Variants in SNX29 observed in about 807,000 individuals in gnomAD.
The protein encoded by SNX29 is sorting nexin 29, also known as sorting nexin-29.
In SNX29, 78 loss-of-function variants were observed where a neutral mutation model predicts 102.1. The observed-to-expected ratio is 0.76, with a 90% confidence interval of 0.64 to 0.92. SNX29 has a LOEUF of 0.92. Ranked by LOEUF, SNX29 falls within the 40% of genes least tolerant of loss-of-function variation. The probability of loss-of-function intolerance (pLI) is 0.00; values close to 1 mark genes in which losing one functional copy is unlikely to be tolerated. For missense variants in SNX29, 1,280 were observed against 1,061.7 expected (o/e 1.21, Z -2.86); for synonymous variants, 580 against 414.5 (o/e 1.40, Z -4.85).
chr16:12,421,421 C>G (rs1217734311), intron 18 of SNX29, among the ~76,000 whole-genome samples: 9 of 152,190 alleles, frequency 5.9e-5, no homozygotes, highest in Non-Finnish European at 1.0e-4. Context: ...CTGCCAGGCC[C>G]TTGACCATGA....
chr16:12,221,739 C>G (rs560233758), intron 14 of SNX29, among the ~76,000 whole-genome samples: 1 of 152,320 alleles, frequency 6.6e-6, no homozygotes, highest in South Asian at 2.1e-4. Context: ...ACATCCGTCG[C>G]ATTTGCTGGA....
At chr16:12,524,488 G>T (rs946082686) in intron 19 of SNX29, among the ~76,000 whole-genome samples, 1 of 151,354 alleles carries the variant, frequency 6.6e-6, no homozygotes, top group Non-Finnish European at 1.5e-5. Flanking sequence ...TCTTGGACCT[G>T]CTTTTCCTCC....
chr16:12,398,771 CCTTTATTTT>C (rs2083820897), intron 17 of SNX29, among the ~76,000 whole-genome samples: 1 of 150,158 alleles, frequency 6.7e-6, no homozygotes, highest in Admixed American at 6.6e-5. Flanking sequence ...ACACAAATTT[CCTTTATTTT>C]CTTTAAAAAT....
At chr16:12,069,766 C>T (rs2051205874) in intron 10 of SNX29, among the ~76,000 whole-genome samples, 1 of 152,206 alleles carries the variant, frequency 6.6e-6, no homozygotes, top group South Asian at 2.1e-4. Flanking sequence ...TCTCGGCTCA[C>T]CGCAAGCTCT....
intron 15 of SNX29, among the ~76,000 whole-genome samples, chr16:12,288,491 A>G (rs1363630722): frequency 6.6e-6 from 1 of 152,120 alleles, no homozygotes; most frequent in African/African-American, 2.4e-5. Flanking sequence ...CTGTAACTCC[A>G]CTGGAGCTGT....
chr16:12,264,018 C>T (rs2078854500), intron 14 of SNX29, among the ~76,000 whole-genome samples: 1 of 152,258 alleles, frequency 6.6e-6, no homozygotes, highest in African/African-American at 2.4e-5. Flanking sequence ...AGGCACCCTT[C>T]TGATTGATTC....
chr16:12,545,854 C>G (rs1472589206), intron 20 of SNX29, among the ~76,000 whole-genome samples: 1 of 152,144 alleles, frequency 6.6e-6, no homozygotes, highest in South Asian at 2.1e-4. Context: ...GATCACCTCT[C>G]CTTGAGAGGG....
intron 20 of SNX29, among the ~76,000 whole-genome samples, chr16:12,536,165 G>GC (rs2141207262): frequency 6.6e-6 from 1 of 152,250 alleles, no homozygotes; most frequent in African/African-American, 2.4e-5. Context: ...GAATCTCCTG[G>GC]CTTAGCACAC....
intron 11 of SNX29, among the ~76,000 whole-genome samples, chr16:12,097,496 C>T (rs2052817028): frequency 6.6e-6 from 1 of 152,120 alleles, no homozygotes; most frequent in Non-Finnish European, 1.5e-5. Context: ...AGTGAGTACA[C>T]AAGGTCTCAG....
At chr16:12,216,500 G>C (rs1208744760) in intron 14 of SNX29, among the ~76,000 whole-genome samples, 1 of 152,240 alleles carries the variant, frequency 6.6e-6, no homozygotes, top group Admixed American at 6.5e-5. Flanking sequence ...GAGATGACAA[G>C]AAGTCGGGTT....
intron 20 of SNX29, among the ~76,000 whole-genome samples, chr16:12,561,799 G>C (rs2078740043): frequency 6.6e-6 from 1 of 152,146 alleles, no homozygotes; most frequent in Non-Finnish European, 1.5e-5. Context: ...TGGCCTGGCA[G>C]GGGGCTCATT....
intron 16 of SNX29, among the ~76,000 whole-genome samples, chr16:12,360,680 G>C (rs1011938830): frequency 2.7e-5 from 4 of 150,316 alleles, no homozygotes; most frequent in Non-Finnish European, 4.4e-5. Context: ...GCCTAATAGT[G>C]CAGTCCCTGA....
At chr16:12,482,770 C>T (rs957078917) in intron 19 of SNX29, among the ~76,000 whole-genome samples, 1 of 152,168 alleles carries the variant, frequency 6.6e-6, no homozygotes, top group Non-Finnish European at 1.5e-5. Context: ...TATATATTTC[C>T]CCTACAATGC....
chr16:12,573,126 C>T lies in SNX29; in HGVS notation c.*4497C>T, dbSNP rs565380739. Reference sequence around the variant, plus strand: ...TGTTTTTCTAATACACAATCTTGATCTTGTTTCCAAAATAAAGCTTCAGCT... The same window carrying T: ...TGTTTTTCTAATACACAATCTTGATTTTGTTTCCAAAATAAAGCTTCAGCT... On this transcript the variant is annotated 3_prime_UTR_variant, in exon 21 of 21. Coordinates refer to ENST00000566228, the MANE Select transcript of SNX29 (RefSeq NM_032167.5). 4.7e-4 allele frequency: 108 copies of T among 229,430 alleles called. 1 individual carries two copies. Among genetic ancestry groups the T allele is most frequent in the African/African-American group, 2.1e-3 (96 of 45,234 alleles). 14.2% of individuals were successfully genotyped at this position (229,430 alleles called of 1,614,324 possible). A position where few individuals can be genotyped will look rare whatever the true frequency, so the allele number is the denominator to read the frequency against.
At chr16:12,366,677 T>G (rs142987821) in intron 16 of SNX29, among the ~76,000 whole-genome samples, 1 of 152,226 alleles carries the variant, frequency 6.6e-6, no homozygotes, top group East Asian at 1.9e-4. Context: ...CTGTCTCTTA[T>G]ATTCTGCATT....
intron 13 of SNX29, among the ~76,000 whole-genome samples, chr16:12,197,607 TC>T (rs2076809794): frequency 6.6e-6 from 1 of 152,082 alleles, no homozygotes; most frequent in Non-Finnish European, 1.5e-5. Context: ...TGCTGTACAA[TC>T]CCCATCAGGG....
At chr16:12,445,586 T>C (rs1387152747) in intron 18 of SNX29, among the ~76,000 whole-genome samples, 3 of 152,150 alleles carry the variant, frequency 2.0e-5, no homozygotes, top group African/African-American at 7.2e-5. Flanking sequence ...AAACATGAAA[T>C]AGTAAATCAA....
intron 14 of SNX29, among the ~76,000 whole-genome samples, chr16:12,204,040 A>G (rs897429560): frequency 6.6e-6 from 1 of 152,114 alleles, no homozygotes; most frequent in Non-Finnish European, 1.5e-5. Context: ...TACACAATCA[A>G]CAAGAATTCT....
intron 3 of SNX29, among the ~76,000 whole-genome samples, chr16:12,010,254 A>T (rs1267713374): frequency 6.6e-6 from 1 of 152,202 alleles, no homozygotes; most frequent in Non-Finnish European, 1.5e-5. Context: ...CATTTACCAC[A>T]CACTCACACA....
Sources: gnomAD v4.1 joint callset for allele counts (sites outside exome capture counted in the v4.1 genomes callset) on GRCh38, gnomAD v4.1.1 for gene constraint, MANE v1.5 for transcripts, NCBI Gene and HGNC (gene_info 2026-07-23, HGNC 2026-07-21) for gene names.